The following UNC80 variants were observed in gnomAD, a reference collection of about 807,000 sequenced individuals.
UNC80 encodes the protein unc-80 subunit of NALCN channel complex.
In UNC80, 164 loss-of-function variants were observed where a neutral mutation model predicts 384.6. The observed-to-expected ratio is 0.43, with a 90% CI of 0.38 to 0.49. The LOEUF (loss-of-function observed/expected upper bound fraction) is 0.49, where lower values mean the gene tolerates loss of function less well. Ranked by LOEUF, UNC80 falls within the 20% of genes least tolerant of loss-of-function variation. The probability of loss-of-function intolerance (pLI) is 0.00; values close to 1 mark genes in which losing one functional copy is unlikely to be tolerated. For synonymous variants in UNC80, 1,486 were observed against 1,527.8 expected, an observed-to-expected ratio of 0.97 and a Z score of 0.64; for missense variants, 3,330 against 4,143.0, an observed-to-expected ratio of 0.80 and a Z score of 5.39.
chr2:209,846,348 T>C (rs1261879357), intron 21 of UNC80, among the ~76,000 whole-genome samples: 2 of 152,152 alleles, frequency 1.3e-5, no homozygotes, highest in African/African-American at 2.4e-5. Context: ...ACTGAAATTA[T>C]TTCATTTTAA....
In UNC80 at chr2:209,815,265, C is replaced by T. The variant is rs1339002458; in HGVS notation, c.1209C>T (p.Thr403=). The change falls in exon 9 of 65, where the codon ACC becomes ACT. Residue 403 remains threonine (T), a synonymous_variant. Coordinates refer to ENST00000673920, the MANE Select transcript of UNC80 (RefSeq NM_001371986.1). The part of the protein sequence containing the change: ...LVNTHKTQDL[T]MKCNEEEKSL... Reference sequence around the variant, plus strand: ...TGTCTACCTTTATTAAGGATCTCACCATGAAGTGTAACGAGGAGGAAAAAT... The same window carrying T: ...TGTCTACCTTTATTAAGGATCTCACTATGAAGTGTAACGAGGAGGAAAAAT... 2.6e-6 allele frequency: 4 copies of T among 1,551,436 alleles called. No individual in the cohort carries two copies. Among genetic ancestry groups the T allele is most frequent in the Non-Finnish European group, 3.5e-6 (4 of 1,146,944 alleles).
intron 31 of UNC80, 77 bp from the exon 32 acceptor site, chr2:209,917,700 A>C: frequency 4.1e-6 from 6 of 1,480,752 alleles, no homozygotes; most frequent in Non-Finnish European, 4.6e-6. Context: ...AGATAGAAGC[A>C]GTTTCCACTT....
intron 7 of UNC80, among the ~76,000 whole-genome samples, chr2:209,805,767 A>G (rs2078857833): frequency 6.6e-6 from 1 of 152,162 alleles, no homozygotes; most frequent in Admixed American, 6.5e-5. Flanking sequence ...TTTATAACCT[A>G]ATCTTTTACA....
chr2:209,937,633 G>C lies in UNC80; in HGVS notation c.6465+3G>C. Reference sequence around the variant, plus strand: ...GACAGGAGCTCATTCAGAAACAGGTGACAGACCACGTCAGTTTTATTCCAT... The same window carrying C: ...GACAGGAGCTCATTCAGAAACAGGTCACAGACCACGTCAGTTTTATTCCAT... On this transcript the variant is annotated splice_donor_region_variant and intron_variant, in intron 42 of 64. Transcript: ENST00000673920. 6.5e-7 allele frequency: 1 copy of C among 1,542,234 alleles called. No homozygotes were observed. The highest frequency in any genetic ancestry group is 8.8e-7 in the Non-Finnish European group (1 of 1,138,082).
At chr2:209,862,511 T>TG (rs1160564281) in intron 22 of UNC80, among the ~76,000 whole-genome samples, 1 of 152,160 alleles carries the variant, frequency 6.6e-6, no homozygotes, top group Non-Finnish European at 1.5e-5. Flanking sequence ...GCTCCTGTAT[T>TG]GGGGGCATAT....
intron 29 of UNC80, among the ~76,000 whole-genome samples, chr2:209,905,241 C>T (rs1436002689): frequency 2.6e-5 from 4 of 152,078 alleles, no homozygotes; most frequent in African/African-American, 9.7e-5. Context: ...TTGTGTTAGG[C>T]AGAATAATGC....
chr2:209,994,068 A>G lies in UNC80; in HGVS notation c.9512A>G (p.Asp3171Gly). The change falls in exon 64 of 65, where the codon GAT (aspartate) becomes GGT (glycine). Residue 3171 changes from aspartate (D) to glycine (G), a missense_variant. Physicochemically the swap from Asp to Gly is moderately conservative, Grantham distance 94 (BLOSUM62 -1). Transcript: ENST00000673920. ...SIQPKTKPSA[D>G]QKRSVTFIEA... ...ACTGTTTCACCTCTACCTGCAGCGG[A>G]TCAGAAACGATCTGTGACCTTCATT... The G allele has an allele frequency of 6.5e-7, 1 of 1,549,994 alleles. No individual in the cohort carries two copies.
intron 21 of UNC80, among the ~76,000 whole-genome samples, chr2:209,846,059 C>T (rs1019503959): frequency 1.2e-4 from 18 of 151,754 alleles, no homozygotes; most frequent in African/African-American, 3.6e-4. Flanking sequence ...ATGATTCGTA[C>T]CCAACCATGA....
Position 209,826,051 on chromosome 2 carries a change from AATGTAAGAGAATTAAAGT to A in UNC80, c.2478_2478+17del, listed in dbSNP as rs1245643854. On this transcript the variant is annotated splice_donor_variant and splice_donor_5th_base_variant and coding_sequence_variant and intron_variant, in exon 14 of 65. Coordinates refer to ENST00000673920, the MANE Select transcript of UNC80 (RefSeq NM_001371986.1). LOFTEE classifies it high-confidence loss of function. ...TCTGAGACACCAGGTATTCCGAGAG[AATGTAAGAGAATTAAAGT>A]AGATTCCATTTCCTCTCCCTCTTCC... The A allele has an allele frequency of 6.5e-7, 1 of 1,547,088 alleles. No individual in the cohort carries two copies. The highest frequency in any genetic ancestry group is 1.2e-5 in the South Asian group (1 of 83,030).
chr2:209,811,947 A>G (rs1001782079), intron 7 of UNC80, among the ~76,000 whole-genome samples: 8 of 152,236 alleles, frequency 5.3e-5, no homozygotes, highest in African/African-American at 1.9e-4. Flanking sequence ...CCACAGTCAG[A>G]AATGTATTTT....
At chr2:209,892,920 C>G (rs970490197) in intron 26 of UNC80, among the ~76,000 whole-genome samples, 4 of 152,156 alleles carry the variant, frequency 2.6e-5, no homozygotes, top group African/African-American at 9.7e-5. Flanking sequence ...TGAAATTCTA[C>G]TCAGATGTGT....
chr2:209,931,161 C>G (rs2090832052), intron 38 of UNC80, 107 bp downstream of exon 38: 1 of 775,378 alleles, frequency 1.3e-6, no homozygotes, highest in Admixed American at 2.6e-5. Context: ...AAAGGCAAAT[C>G]CTGGTCAACT....
intron 24 of UNC80, among the ~76,000 whole-genome samples, chr2:209,880,385 T>C (rs1275462755): frequency 6.6e-6 from 1 of 152,232 alleles, no homozygotes; most frequent in Non-Finnish European, 1.5e-5. Context: ...CTGTATGATA[T>C]ATGTGATCCA....
At chr2:209,855,898 A>G (rs2082876597) in intron 22 of UNC80, among the ~76,000 whole-genome samples, 1 of 152,084 alleles carries the variant, frequency 6.6e-6, no homozygotes, top group Non-Finnish European at 1.5e-5. Context: ...ATGTTAGGTG[A>G]ACATTTTAAT....
Position 209,873,696 on chromosome 2 carries a change from G to T in UNC80, c.3840+726G>T, listed in dbSNP as rs553903061. ...GCTGAACATAAACACACATAAAGAG[G>T]TTCCATATATTCCTCTTTTCTTAAA... On this transcript the variant is annotated intron_variant, in intron 23 of 64. Transcript: ENST00000673920. Among the ~76,000 whole-genome samples, 22 of 152,256 alleles carry T rather than the reference G, an allele frequency of 1.4e-4. No homozygotes were observed. In the South Asian group the frequency reaches 4.6e-3, roughly 32 times the overall value.
intron 51 of UNC80, 113 bp from the exon 52 acceptor site, chr2:209,967,324 C>A: frequency 1.5e-6 from 1 of 656,520 alleles, no homozygotes; most frequent in Non-Finnish European, 2.3e-6. Context: ...GTTCTTAGTT[C>A]AGGGAGTTGG....
intron 54 of UNC80, among the ~76,000 whole-genome samples, chr2:209,971,739 C>T (rs910602664): frequency 2.0e-5 from 3 of 152,224 alleles, no homozygotes; most frequent in Non-Finnish European, 4.4e-5. Context: ...ACTTTAATAA[C>T]TTGCGTACAA....
intron 64 of UNC80, among the ~76,000 whole-genome samples, chr2:209,994,878 T>C (rs1243330727): frequency 6.6e-6 from 1 of 152,198 alleles, no homozygotes; most frequent in Non-Finnish European, 1.5e-5. Context: ...AACTTTTTGT[T>C]TTCATCTTTT....
At chr2:209,835,870 A>G (rs981416974) in intron 18 of UNC80, among the ~76,000 whole-genome samples, 4 of 152,244 alleles carry the variant, frequency 2.6e-5, no homozygotes, top group South Asian at 2.1e-4. Flanking sequence ...CAAGCGAACA[A>G]AATCTTCAAA....
Sources: allele counts gnomAD v4.1 joint callset (sites outside exome capture counted in the v4.1 genomes callset), GRCh38; gene constraint gnomAD v4.1.1; transcripts MANE v1.5; gene names NCBI Gene and HGNC (gene_info 2026-07-23, HGNC 2026-07-21).